Variants in C1QTNF7 observed in about 807,000 individuals in gnomAD.
C1QTNF7 encodes the protein complement C1q tumor necrosis factor-related protein 7.
C1QTNF7 carries 15 observed loss-of-function variants against 19.6 expected under a neutral mutation model. The ratio of observed to expected loss-of-function variants is 0.76; its 90% CI spans 0.51 to 1.18. C1QTNF7 has a LOEUF of 1.18. C1QTNF7 is among the 50% of genes most tolerant of loss of function. The probability of loss-of-function intolerance (pLI) is 0.00; values close to 1 mark genes in which losing one functional copy is unlikely to be tolerated. For missense variants in C1QTNF7, 324 were observed against 359.7 expected (o/e 0.90, Z 0.80); for synonymous variants, 142 against 137.5 (o/e 1.03, Z -0.23).
intron 1 of C1QTNF7, among the ~76,000 whole-genome samples, chr4:15,397,471 CCTCT>C: frequency 6.6e-6 from 1 of 152,346 alleles, no homozygotes; most frequent in East Asian, 1.9e-4. Context: ...GACAACTCTT[CCTCT>C]AAAATATGCT....
chr4:15,402,330 T>G (rs947487969), intron 1 of C1QTNF7, among the ~76,000 whole-genome samples: 1 of 152,194 alleles, frequency 6.6e-6, no homozygotes, highest in Non-Finnish European at 1.5e-5. Context: ...CATGTAAGAA[T>G]TCAAGGACTG....
intron 1 of C1QTNF7, among the ~76,000 whole-genome samples, chr4:15,380,014 T>G (rs1009771747): frequency 3.3e-5 from 5 of 152,216 alleles, no homozygotes; most frequent in Non-Finnish European, 7.3e-5. Flanking sequence ...GATCATACCA[T>G]GTGGGCCATT....
chr4:15,391,525 T>C (rs1718557530), intron 1 of C1QTNF7, among the ~76,000 whole-genome samples: 1 of 152,062 alleles, frequency 6.6e-6, no homozygotes, highest in Admixed American at 6.6e-5. Context: ...CAGTGCCCTT[T>C]TTTGGGTCAT....
At chr4:15,439,428 G>C (rs143084002) in intron 2 of C1QTNF7, among the ~76,000 whole-genome samples, 116 of 152,296 alleles carry the variant, frequency 7.6e-4, no homozygotes, top group African/African-American at 2.7e-3. Flanking sequence ...TCGTTTCAAG[G>C]ATTGGGAAAC....
At position 15,443,734 on chromosome 4, in the gene C1QTNF7, A is replaced by G. The variant is rs1254128503; in HGVS notation, c.*935A>G. Reference sequence around the variant, plus strand: ...AATGGAGATTGAAATGAAGAGAAATAGCCAGCAGGTGATTCTTCTGAATCC... The same window carrying G: ...AATGGAGATTGAAATGAAGAGAAATGGCCAGCAGGTGATTCTTCTGAATCC... On this transcript the variant is annotated 3_prime_UTR_variant, in exon 3 of 3. Coordinates refer to ENST00000444304, the MANE Select transcript of C1QTNF7 (RefSeq NM_031911.5). 1 of 152,238 alleles carries G rather than the reference A, an allele frequency of 6.6e-6. No individual in the cohort carries two copies. The highest frequency in any genetic ancestry group is 2.4e-5 in the African/African-American group (1 of 41,454). The allele number at this position is 152,238 out of a possible 1,614,324, so 9.4% of individuals were successfully genotyped here.
At chr4:15,407,220 T>A (rs1215354880) in intron 1 of C1QTNF7, among the ~76,000 whole-genome samples, 1 of 152,152 alleles carries the variant, frequency 6.6e-6, no homozygotes, top group Non-Finnish European at 1.5e-5. Flanking sequence ...AGACAGCCCT[T>A]AACTTGAGGT....
chr4:15,385,469 G>A (rs1439706790), intron 1 of C1QTNF7, among the ~76,000 whole-genome samples: 1 of 152,220 alleles, frequency 6.6e-6, no homozygotes, highest in African/African-American at 2.4e-5. Flanking sequence ...ACAGAAGGCA[G>A]GATGGACTGT....
intron 1 of C1QTNF7, among the ~76,000 whole-genome samples, chr4:15,373,564 A>C (rs1577242320): frequency 6.6e-6 from 1 of 152,232 alleles, no homozygotes; most frequent in South Asian, 2.1e-4. Context: ...TCACATACCC[A>C]GTGAGTCAAC....
chr4:15,400,266 T>C (rs1251254667), intron 1 of C1QTNF7, among the ~76,000 whole-genome samples: 1 of 152,210 alleles, frequency 6.6e-6, no homozygotes, highest in Non-Finnish European at 1.5e-5. Flanking sequence ...TTACAGTCTG[T>C]ATATTGCAAA....
chr4:15,388,504 T>A (rs755908239), intron 1 of C1QTNF7, among the ~76,000 whole-genome samples: 1 of 152,132 alleles, frequency 6.6e-6, no homozygotes, highest in Non-Finnish European at 1.5e-5. Flanking sequence ...AGGTACAGTG[T>A]GCAAGTGAAG....
At chr4:15,383,815 C>G (rs1325040624) in intron 1 of C1QTNF7, among the ~76,000 whole-genome samples, 1 of 152,250 alleles carries the variant, frequency 6.6e-6, no homozygotes, top group Non-Finnish European at 1.5e-5. Context: ...CCAGGTCCAC[C>G]TTCCTTGGAA....
chr4:15,423,027 G>A (rs1481988451), intron 1 of C1QTNF7, among the ~76,000 whole-genome samples: 1 of 152,182 alleles, frequency 6.6e-6, no homozygotes, highest in Non-Finnish European at 1.5e-5. Flanking sequence ...TTATCCACAA[G>A]GATGGATATT....
chr4:15,376,659 T>G (rs1717951576), intron 1 of C1QTNF7, among the ~76,000 whole-genome samples: 1 of 152,244 alleles, frequency 6.6e-6, no homozygotes, highest in Admixed American at 6.5e-5. Context: ...CTGGCAGGGC[T>G]GGGATTTGGA....
intron 2 of C1QTNF7, among the ~76,000 whole-genome samples, chr4:15,438,429 T>C (rs1163934413): frequency 1.3e-5 from 2 of 152,142 alleles, no homozygotes; most frequent in Admixed American, 6.5e-5. Context: ...TTAATGACAC[T>C]ACAAGTGCCT....
At chr4:15,408,926 T>C (rs1298236519) in intron 1 of C1QTNF7, among the ~76,000 whole-genome samples, 1 of 152,184 alleles carries the variant, frequency 6.6e-6, no homozygotes, top group Non-Finnish European at 1.5e-5. Context: ...CCTCCAGAAC[T>C]GTGGGAAATA....
intron 1 of C1QTNF7, chr4:15,381,635 C>A (rs1476455344): frequency 6.6e-6 from 1 of 151,990 alleles, no homozygotes; most frequent in Non-Finnish European, 1.5e-5. Context: ...ATAGTAGCTA[C>A]CCATAGAATT....
chr4:15,386,058 G>T (rs1718324818), intron 1 of C1QTNF7, among the ~76,000 whole-genome samples: 1 of 152,208 alleles, frequency 6.6e-6, no homozygotes, highest in Non-Finnish European at 1.5e-5. Flanking sequence ...AAAACCAAAA[G>T]CTGTCTATTC....
At chr4:15,407,599 A>G (rs1207349770) in intron 1 of C1QTNF7, among the ~76,000 whole-genome samples, 1 of 152,226 alleles carries the variant, frequency 6.6e-6, no homozygotes, top group Non-Finnish European at 1.5e-5. Context: ...GTGAAATCAA[A>G]TAAGTCACAA....
intron 1 of C1QTNF7, among the ~76,000 whole-genome samples, chr4:15,389,779 T>C (rs1449802713): frequency 6.6e-6 from 1 of 152,154 alleles, no homozygotes; most frequent in Non-Finnish European, 1.5e-5. Flanking sequence ...CTTGATCCCC[T>C]AGAGATTTTC....
Sources: allele counts gnomAD v4.1 joint callset (sites outside exome capture counted in the v4.1 genomes callset), GRCh38; gene constraint gnomAD v4.1.1; transcripts MANE v1.5; gene names NCBI Gene and HGNC (gene_info 2026-07-23, HGNC 2026-07-21).